The following IL1R1 variants were observed in gnomAD, a reference collection of about 807,000 sequenced individuals.
IL1R1 encodes interleukin-1 receptor type 1.
A neutral mutation model predicts 50.2 loss-of-function variants in IL1R1; 22 were observed. The ratio of observed to expected loss-of-function variants is 0.44; its 90% CI spans 0.31 to 0.63. The LOEUF is 0.63. Among genes scored for constraint, IL1R1 ranks in the 20% least tolerant of loss-of-function variants. The pLI is 0.07. For synonymous variants in IL1R1, 251 were observed against 236.7 expected (o/e 1.06, Z -0.55); for missense variants, 509 against 676.2 (o/e 0.75, Z 2.74).
At chr2:102,148,910 A>G (rs1683389399) in intron 1 of IL1R1, among the ~76,000 whole-genome samples, 1 of 152,202 alleles carries the variant, frequency 6.6e-6, no homozygotes, top group South Asian at 2.1e-4. Context: ...ACACCACTGC[A>G]CTGCAGTCTG....
At chr2:102,142,119 T>G (rs576589972), upstream of IL1R1, 1 of 152,328 alleles carries the variant, frequency 6.6e-6, no homozygotes, top group African/African-American at 2.4e-5. Context: ...TCCGGGCGCG[T>G]AACAGCAACA....
chr2:102,080,877 A>G (rs1679175659), intron 1 of IL1R1, among the ~76,000 whole-genome samples: 1 of 152,238 alleles, frequency 6.6e-6, no homozygotes, highest in African/African-American at 2.4e-5. Context: ...TCAGCCATGG[A>G]AAGGAGTGAA....
intron 1 of IL1R1, among the ~76,000 whole-genome samples, chr2:102,124,424 C>G (rs1036170966): frequency 1.4e-5 from 2 of 146,374 alleles, no homozygotes; most frequent in Non-Finnish European, 3.0e-5. Flanking sequence ...CATCTCCCCC[C>G]CACCACTGCC....
chr2:102,149,897 GT>G (rs1683502506), intron 1 of IL1R1, among the ~76,000 whole-genome samples: 3 of 152,176 alleles, frequency 2.0e-5, no homozygotes, highest in African/African-American at 7.2e-5. Flanking sequence ...CGCAGCCTAT[GT>G]TTTGACAGAC....
chr2:102,127,993 A>C (rs1681819033), intron 1 of IL1R1, among the ~76,000 whole-genome samples: 1 of 152,220 alleles, frequency 6.6e-6, no homozygotes, highest in African/African-American at 2.4e-5. Flanking sequence ...TTGAGTGTTT[A>C]GATTTCAATT....
intron 11 of IL1R1, 111 bp from the exon 12 acceptor site, chr2:102,176,242 A>G: frequency 1.2e-6 from 1 of 810,164 alleles, no homozygotes; most frequent in Non-Finnish European, 1.9e-6. Context: ...GTAAGACAAG[A>G]AAAAGGCATT....
chr2:102,073,302 G>A (rs1678818045), intron 1 of IL1R1, among the ~76,000 whole-genome samples: 3 of 152,282 alleles, frequency 2.0e-5, no homozygotes, highest in South Asian at 2.1e-4. Context: ...ATTCTACTGG[G>A]GGAGATGGAT....
chr2:102,168,978 CTT>C, intron 7 of IL1R1, among the ~76,000 whole-genome samples: 1 of 142,522 alleles, frequency 7.0e-6, no homozygotes. Flanking sequence ...GGATTTCTTT[CTT>C]TTTTTTTTTT....
upstream of IL1R1, among the ~76,000 whole-genome samples, chr2:102,102,434 C>T (rs541179622): frequency 1.3e-5 from 2 of 152,230 alleles, no homozygotes; most frequent in African/African-American, 4.8e-5. Flanking sequence ...TTTAAATTTC[C>T]ATGCAAGTCA....
chr2:102,168,697 G>GTT (rs753719795), intron 7 of IL1R1, 34 bp downstream of exon 7: 142 of 1,184,646 alleles, frequency 1.2e-4, no homozygotes, highest in East Asian at 2.6e-4. Context: ...TGCTGGAATC[G>GTT]GTTTTTTTTT....
At position 102,117,620 on chromosome 2, in the gene IL1R1, A is replaced by G. The variant is rs556318196; in HGVS notation, c.-84+12748A>G. ...GTTCCCTGCATATTAATGTATTCCA[A>G]TGAATCCCACCCATTCCAAAGAGAA... On this transcript the variant is annotated intron_variant, in intron 1 of 10. Coordinates refer to the IL1R1 transcript ENST00000409329. Among the ~76,000 whole-genome samples, 4 of 152,314 alleles carry G rather than the reference A, an allele frequency of 2.6e-5. No homozygotes were observed. In the South Asian group the frequency reaches 6.2e-4, roughly 24 times the overall value.
Position 102,116,151 on chromosome 2 carries a change from G to A in IL1R1, c.-84+11279G>A, listed in dbSNP as rs140708148. Among the ~76,000 whole-genome samples the A allele has an allele frequency of 2.6e-5, 4 of 152,208 alleles. No homozygotes were observed. In the East Asian group the frequency reaches 5.8e-4, roughly 22 times the overall value. ...CGTTGCACTGGGTCGAGATGGTTCA[G>A]ATGTCCCCCAATGCATTGCTGCTTT... is the stretch of plus-strand genomic sequence containing the variant. On this transcript the variant is annotated intron_variant, in intron 1 of 10. Transcript: ENST00000409329.
intron 1 of IL1R1, among the ~76,000 whole-genome samples, chr2:102,093,222 G>A (rs1164820370): frequency 6.6e-6 from 1 of 152,218 alleles, no homozygotes; most frequent in East Asian, 1.9e-4. Context: ...AAAAAAAAGG[G>A]GTGGAGAATC....
chr2:102,151,005 T>C (rs1249883253), intron 1 of IL1R1, among the ~76,000 whole-genome samples: 1 of 152,250 alleles, frequency 6.6e-6, no homozygotes, highest in Admixed American at 6.5e-5. Flanking sequence ...TCTGTGACTT[T>C]TTAATGTTAC....
chr2:102,101,965 G>A (rs1005007430), upstream of IL1R1, among the ~76,000 whole-genome samples: 2 of 151,936 alleles, frequency 1.3e-5, no homozygotes, highest in East Asian at 1.9e-4. Flanking sequence ...AGGCAAAAGC[G>A]TGTGTGTGGG....
chr2:102,139,861 T>A (rs577032607), upstream of IL1R1, among the ~76,000 whole-genome samples: 89 of 152,312 alleles, frequency 5.8e-4, no homozygotes, highest in South Asian at 8.3e-4. Context: ...ATTAAATCTC[T>A]TTTCTTATAA....
At chr2:102,145,427 C>T (rs1012604367) in intron 1 of IL1R1, among the ~76,000 whole-genome samples, 1 of 152,120 alleles carries the variant, frequency 6.6e-6, no homozygotes, top group Non-Finnish European at 1.5e-5. Context: ...GTTATCTCAC[C>T]AGGTACTGAA....
intron 1 of IL1R1, among the ~76,000 whole-genome samples, chr2:102,085,484 C>T (rs970967734): frequency 6.6e-6 from 1 of 152,086 alleles, no homozygotes; most frequent in African/African-American, 2.4e-5. Flanking sequence ...ACTCTTTTCT[C>T]TCTTCAGTTC....
chr2:102,089,200 A>C (rs1214554323), intron 1 of IL1R1, among the ~76,000 whole-genome samples: 2 of 152,200 alleles, frequency 1.3e-5, no homozygotes, highest in Non-Finnish European at 2.9e-5. Context: ...CCTAAGCTTC[A>C]TCATTTCTTG....
Sources: allele counts gnomAD v4.1 joint callset (sites outside exome capture counted in the v4.1 genomes callset), GRCh38; gene constraint gnomAD v4.1.1; transcripts MANE v1.5; gene names NCBI Gene and HGNC (gene_info 2026-07-23, HGNC 2026-07-21).